CEP135: variants seen among roughly 807,000 people sequenced by gnomAD.
The protein encoded by CEP135 is centrosomal protein of 135 kDa.
Under a neutral mutation model 157.3 loss-of-function variants are expected in CEP135, and 142 were observed. The ratio of observed to expected loss-of-function variants is 0.90; its 90% confidence interval spans 0.79 to 1.04. The LOEUF is 1.04. Ranked by LOEUF, CEP135 falls within the 50% of genes least tolerant of loss-of-function variation. The pLI is 0.00. For missense variants in CEP135, 1,317 were observed against 1,309.2 expected, an observed-to-expected ratio of 1.01 and a Z score of -0.09; for synonymous variants, 396 against 439.8, an observed-to-expected ratio of 0.90 and a Z score of 1.25.
chr4:56,008,222 A>T, intron 17 of CEP135, 105 bp from the exon 18 acceptor site: 2 of 763,544 alleles, frequency 2.6e-6, no homozygotes, highest in East Asian at 2.6e-5. Flanking sequence ...GGCATACTTT[A>T]TATAATTGAG....
chr4:55,982,562 T>A (rs1194693122), intron 13 of CEP135, among the ~76,000 whole-genome samples: 1 of 152,234 alleles, frequency 6.6e-6, no homozygotes, highest in Non-Finnish European at 1.5e-5. Flanking sequence ...TGGCCATTTT[T>A]ATATCCTTTT....
Position 55,992,758 on chromosome 4 carries a change from G to A in CEP135, c.2009+673G>A, listed in dbSNP as rs1024421855. Among the ~76,000 whole-genome samples the A allele has an allele frequency of 3.0e-4, 46 of 152,138 alleles. 1 individual carries two copies. The highest frequency in any genetic ancestry group is 1.0e-3 in the African/African-American group (42 of 41,426). On this transcript the variant is annotated intron_variant, in intron 15 of 25. Transcript: ENST00000257287. ...ATCAAAAGGTTTAGATGACTAATATGGGGCTGAGAAATACGATAAGTAGAA... is the reference window on the plus strand; with the variant it reads ...ATCAAAAGGTTTAGATGACTAATATAGGGCTGAGAAATACGATAAGTAGAA...
At chr4:56,015,115 C>G (rs1186082530) in intron 21 of CEP135, among the ~76,000 whole-genome samples, 2 of 152,054 alleles carry the variant, frequency 1.3e-5, no homozygotes, top group Non-Finnish European at 2.9e-5. Context: ...ATAGTGTGCT[C>G]CAGAGTATGG....
At chr4:55,999,795 G>A (rs1028999477) in intron 17 of CEP135, 150 bp downstream of exon 17, 1 of 712,486 alleles carries the variant, frequency 1.4e-6, no homozygotes. Context: ...TGGGCTCAAG[G>A]AATCCCCCAA....
intron 11 of CEP135, among the ~76,000 whole-genome samples, chr4:55,978,991 T>G (rs1729312716): frequency 6.6e-6 from 1 of 152,252 alleles, no homozygotes; most frequent in Admixed American, 6.5e-5. Context: ...CCATCCATCA[T>G]GCCTCGGTTT....
At chr4:56,001,699 T>C (rs560069010) in intron 17 of CEP135, among the ~76,000 whole-genome samples, 1 of 152,110 alleles carries the variant, frequency 6.6e-6, no homozygotes, top group African/African-American at 2.4e-5. Context: ...TCCAGCTTTG[T>C]TTTTTTGCTC....
intron 21 of CEP135, among the ~76,000 whole-genome samples, chr4:56,014,511 A>G (rs1410418474): frequency 2.6e-5 from 4 of 152,226 alleles, no homozygotes; most frequent in African/African-American, 9.6e-5. Flanking sequence ...TCTCAGACAG[A>G]GTTGAGAAAA....
intron 11 of CEP135, among the ~76,000 whole-genome samples, chr4:55,975,419 C>T (rs952204771): frequency 2.6e-5 from 4 of 152,178 alleles, no homozygotes; most frequent in Admixed American, 1.3e-4. Flanking sequence ...CTCTATTAAC[C>T]GTACTATGGG....
At chr4:55,961,595 T>C (rs536120266) in intron 6 of CEP135, among the ~76,000 whole-genome samples, 142 of 151,664 alleles carry the variant, frequency 9.4e-4, no homozygotes, top group Admixed American at 2.1e-3. Flanking sequence ...AGAAACCCTA[T>C]CTCTACTAAA....
rs1474602209 is a variant in CEP135, at chr4:56,031,468, C to A, written c.*120C>A. On this transcript the variant is annotated 3_prime_UTR_variant, in exon 26 of 26. Transcript: ENST00000257287. ...ATCATGAACATGGACACAAATTCTA[C>A]CTCTGTCAACTTTTATTTAAATCAG... 7 of 152,474 alleles carry A rather than the reference C, an allele frequency of 4.6e-5. No homozygotes were observed. 9.4% of individuals were successfully genotyped at this position (152,474 alleles called of 1,614,324 possible).
At chr4:56,018,952 A>G (rs1014618272) in intron 22 of CEP135, among the ~76,000 whole-genome samples, 21 of 152,230 alleles carry the variant, frequency 1.4e-4, no homozygotes, top group African/African-American at 4.3e-4. Context: ...GATGTTTTCA[A>G]TTTTCACTCA....
rs538509394 is a variant in CEP135, at chr4:55,971,463, T to G, written c.1249+55T>G. The G allele has an allele frequency of 2.7e-6, 4 of 1,491,290 alleles. No homozygotes were observed. In the African/African-American group the frequency reaches 5.7e-5, roughly 21 times the overall value. 92.4% of individuals were successfully genotyped at this position (1,491,290 alleles called of 1,614,324 possible). On this transcript the variant is annotated intron_variant, in intron 10 of 25. Coordinates refer to ENST00000257287, the MANE Select transcript of CEP135 (RefSeq NM_025009.5). ...ATGATTGTGATTTCCTCTTGATGTA[T>G]TGTTTTTCTTAGTAGATATTCATTC... is the stretch of plus-strand genomic sequence containing the variant.
At chr4:56,000,156 C>T (rs1244169439) in intron 17 of CEP135, among the ~76,000 whole-genome samples, 2 of 152,076 alleles carry the variant, frequency 1.3e-5, no homozygotes, top group African/African-American at 4.8e-5. Flanking sequence ...TGCCACTGCA[C>T]TCCAGCCTGG....
In CEP135 at chr4:56,009,758, A is replaced by T. The variant is rs754928961; in HGVS notation, c.2360A>T (p.Asn787Ile). The change falls in exon 19 of 26, where the codon AAT (asparagine) becomes ATT (isoleucine). Residue 787 changes from asparagine (N) to isoleucine (I), a missense_variant. Asn to Ile is a moderately radical substitution (Grantham distance 149). Transcript: ENST00000257287. Reference protein sequence around the residue: ...SVNQLKETLVNRDREINSLRR... With the variant: ...SVNQLKETLVIRDREINSLRR... ...AGCCAGCTGAAAGAAACATTGGTTA[A>T]TCGAGATCGTGAGATAAACAGCCTC... The T allele has an allele frequency of 8.1e-6, 13 of 1,610,154 alleles. No individual in the cohort carries two copies. Among genetic ancestry groups the T allele is most frequent in the South Asian group, 6.7e-5 (6 of 89,434 alleles).
chr4:55,985,891 G>A (rs1304952367), intron 14 of CEP135, among the ~76,000 whole-genome samples: 1 of 152,170 alleles, frequency 6.6e-6, no homozygotes, highest in Non-Finnish European at 1.5e-5. Context: ...AGTGAGCCAT[G>A]ATGACACCAC....
At chr4:56,010,644 G>C (rs184856123) in intron 19 of CEP135, among the ~76,000 whole-genome samples, 210 of 152,206 alleles carry the variant, frequency 1.4e-3, no homozygotes, top group African/African-American at 4.9e-3. Context: ...GCTTCTGTCG[G>C]CTCCAAAATA....
At position 56,032,052 on chromosome 4, in the gene CEP135, A is replaced by G. The variant is rs947004180; in HGVS notation, c.*704A>G. On this transcript the variant is annotated 3_prime_UTR_variant, in exon 26 of 26. Transcript: ENST00000257287. ...AATTCAAAAGCAAACTAAAAGCTAT[A>G]TGCAGAGTTTTGTATAAAACAATAG... 1.3e-5 allele frequency: 2 copies of G among 152,336 alleles called. No homozygotes were observed. The highest frequency in any genetic ancestry group is 2.4e-5 in the African/African-American group (1 of 41,592). 9.4% of individuals were successfully genotyped at this position (152,336 alleles called of 1,614,324 possible). A position where few individuals can be genotyped will look rare whatever the true frequency, so the allele number is the denominator to read the frequency against.
intron 8 of CEP135, among the ~76,000 whole-genome samples, chr4:55,967,890 C>T (rs1728892325): frequency 6.6e-6 from 1 of 152,216 alleles, no homozygotes; most frequent in Non-Finnish European, 1.5e-5. Context: ...CCACTCTTGT[C>T]ACTGCTGCTC....
intron 8 of CEP135, among the ~76,000 whole-genome samples, chr4:55,968,220 T>A (rs2593085): frequency 9.2e-5 from 14 of 151,962 alleles, no homozygotes; most frequent in Non-Finnish European, 1.8e-4. Context: ...TGAAAAACCC[T>A]TACACTTGAA....
Sources: gnomAD v4.1 joint callset for allele counts (sites outside exome capture counted in the v4.1 genomes callset) on GRCh38, gnomAD v4.1.1 for gene constraint, MANE v1.5 for transcripts, NCBI Gene and HGNC (gene_info 2026-07-23, HGNC 2026-07-21) for gene names.